HOXC11: variants seen among roughly 807,000 people sequenced by gnomAD.
HOXC11 encodes homeobox C11, also known as homeobox protein Hox-C11.
A neutral mutation model predicts 23.6 loss-of-function variants in HOXC11; 17 were observed. The observed-to-expected ratio is 0.72, with a 90% confidence interval of 0.49 to 1.08. HOXC11 has a LOEUF of 1.08. Ranked by LOEUF, HOXC11 falls within the 50% of genes least tolerant of loss-of-function variation. The pLI is 0.00. For missense variants in HOXC11, 413 were observed against 412.1 expected (o/e 1.00, Z -0.02); for synonymous variants, 196 against 183.8 (o/e 1.07, Z -0.54).
intron 1 of HOXC11, 143 bp downstream of exon 1, chr12:53,974,066 C>A: frequency 2.1e-6 from 1 of 478,136 alleles, no homozygotes. Context: ...TATAAGCATT[C>A]AAAGGATTTT....
chr12:53,974,776 C>T (rs75547142), intron 1 of HOXC11: 1,811 of 164,838 alleles, frequency 0.011, 38 homozygotes, highest in African/African-American at 0.042. Flanking sequence ...CGCCTGTTCT[C>T]AGCTTTCCCC....
Position 53,976,341 on chromosome 12 carries a change from C to A in HOXC11, c.*928C>A. 4.5e-6 allele frequency: 1 copy of A among 220,750 alleles called. No homozygotes were observed. Among genetic ancestry groups the A allele is most frequent in the Non-Finnish European group, 9.1e-6 (1 of 109,874 alleles). 13.7% of individuals were successfully genotyped at this position (220,750 alleles called of 1,614,324 possible). ...GTGAGTGCGTGTGTACATGTGCACT[C>A]CCCACCCTGCTCCCTTCCCAGAGGG... is the stretch of plus-strand genomic sequence containing the variant. On this transcript the variant is annotated 3_prime_UTR_variant, in exon 2 of 2. Transcript: ENST00000546378.
In HOXC11 at chr12:53,973,819, C is replaced by A; in HGVS notation, c.578C>A (p.Ala193Asp). 9 of 1,522,502 alleles carry A rather than the reference C, an allele frequency of 5.9e-6. No homozygotes were observed. The highest frequency in any genetic ancestry group is 7.0e-6 in the Non-Finnish European group (8 of 1,136,878). 94.3% of individuals were successfully genotyped at this position (1,522,502 alleles called of 1,614,324 possible). A position where few individuals can be genotyped will look rare whatever the true frequency, so the allele number is the denominator to read the frequency against. ...APPASGLASR[A>D]EAGAEAEAEE... ...CCGGCCTCGGGACTGGCGTCCCGGG[C>A]TGAGGCGGGTGCCGAGGCGGAGGCT... The change falls in exon 1 of 2, where the codon GCT becomes GAT. Residue 193 changes from alanine to aspartate, a missense_variant. Physicochemically the swap from Ala to Asp is moderately radical, Grantham distance 126. Transcript: ENST00000546378. The surrounding 1 kb of genome is among the most constrained non-coding windows in gnomAD (Gnocchi z 4.3).
In HOXC11 at chr12:53,973,929, T is replaced by G; in HGVS notation, c.682+6T>G. The G allele has an allele frequency of 4.9e-6, 7 of 1,427,442 alleles. No individual in the cohort carries two copies. Among genetic ancestry groups the G allele is most frequent in the East Asian group, 2.6e-5 (1 of 38,008 alleles). The allele number at this position is 1,427,442 out of a possible 1,614,324, so 88.4% of individuals were successfully genotyped here. ...GGCCAAAGGAGCCGCCCCCAGTAGG[T>G]AGCAGCGGCCGGGGAACGGGCGGGC... On this transcript the variant is annotated splice_donor_region_variant and intron_variant, in intron 1 of 1. Coordinates refer to ENST00000546378, the MANE Select transcript of HOXC11 (RefSeq NM_014212.4). This position sits in a 1 kb window ranked among gnomAD's most constrained non-coding sequence, Gnocchi z 4.3.
intron 1 of HOXC11, among the ~76,000 whole-genome samples, chr12:53,974,135 T>G (rs1473550409): frequency 1.4e-5 from 2 of 146,574 alleles, no homozygotes; most frequent in African/African-American, 2.5e-5. Context: ...GGAGAAGGGG[T>G]GGGGAGGGAG....
In HOXC11 at chr12:53,976,127, C is replaced by CTTT. The variant is rs768935038; in HGVS notation, c.*728_*730dup. The CTTT allele has an allele frequency of 7.8e-3, 1,409 of 180,822 alleles. 17 individuals carry two copies. Among genetic ancestry groups the CTTT allele is most frequent in the Non-Finnish European group, 0.011 (992 of 92,358 alleles). The allele number at this position is 180,822 out of a possible 1,614,324, so 11.2% of individuals were successfully genotyped here. A position where few individuals can be genotyped will look rare whatever the true frequency, so the allele number is the denominator to read the frequency against. ...GCTATAGTCTATGCAGTCGTTACCT[C>CTTT]TTTTTTTTTTTTTTTTAAGAAAATT... On this transcript the variant is annotated 3_prime_UTR_variant, in exon 2 of 2. Coordinates refer to ENST00000546378, the MANE Select transcript of HOXC11 (RefSeq NM_014212.4).
chr12:53,973,747 C>G lies in HOXC11; in HGVS notation c.506C>G (p.Pro169Arg), dbSNP rs772454678. 6.2e-7 allele frequency: 1 copy of G among 1,612,682 alleles called. No individual in the cohort carries two copies. Among genetic ancestry groups the G allele is most frequent in the Non-Finnish European group, 8.5e-7 (1 of 1,179,748 alleles). Reference sequence around the variant, plus strand: ...GGTGGCGGCGACCCGCCCGCCGAGCCCCCCTGCTCCGGCAAGGGCGAGGCC... The same window carrying G: ...GGTGGCGGCGACCCGCCCGCCGAGCGCCCCTGCTCCGGCAAGGGCGAGGCC... ...YCGGGDPPAE[P>R]PCSGKGEAKG... The change falls in exon 1 of 2, where the codon CCC becomes CGC. Residue 169 changes from proline (P) to arginine (R), a missense_variant. Pro to Arg is a moderately radical substitution (Grantham distance 103). Transcript: ENST00000546378. This position sits in a 1 kb window ranked among gnomAD's most constrained non-coding sequence, Gnocchi z 4.3.
chr12:53,974,980 G>C, intron 1 of HOXC11: 1 of 572,098 alleles, frequency 1.7e-6, no homozygotes, highest in African/African-American at 1.9e-5. Flanking sequence ...CAGTGGCGGG[G>C]GGGTGGGGAC....
In HOXC11 at chr12:53,976,301, T is replaced by C. The variant is rs1460191318; in HGVS notation, c.*888T>C. On this transcript the variant is annotated 3_prime_UTR_variant, in exon 2 of 2. Coordinates refer to ENST00000546378, the MANE Select transcript of HOXC11 (RefSeq NM_014212.4). ...CCCCCAGTGAGATTCAAATCACGCA[T>C]CTCTACTCCTCTGCGTGAGTGCGTG... 4 of 223,774 alleles carry C rather than the reference T, an allele frequency of 1.8e-5. No individual in the cohort carries two copies. Among genetic ancestry groups the C allele is most frequent in the African/African-American group, 8.9e-5 (4 of 44,752 alleles). The allele number at this position is 223,774 out of a possible 1,614,324, so 13.9% of individuals were successfully genotyped here. A position where few individuals can be genotyped will look rare whatever the true frequency, so the allele number is the denominator to read the frequency against.
intron 1 of HOXC11, chr12:53,974,792 T>G: frequency 2.4e-5 from 4 of 165,928 alleles, no homozygotes; most frequent in Middle Eastern, 2.8e-3. Context: ...TCCCCCCAGA[T>G]TTCTGGGGGA....
chr12:53,977,098 C>T lies in HOXC11; in HGVS notation c.*1685C>T, dbSNP rs1044933154. The T allele has an allele frequency of 2.6e-5, 4 of 152,162 alleles. No individual in the cohort carries two copies. Among genetic ancestry groups the T allele is most frequent in the Non-Finnish European group, 5.9e-5 (4 of 68,040 alleles). The allele number at this position is 152,162 out of a possible 1,614,324, so 9.4% of individuals were successfully genotyped here. A position where few individuals can be genotyped will look rare whatever the true frequency, so the allele number is the denominator to read the frequency against. ...TTGGGTGTCCCACAGTAGAAAGCCC[C>T]AGAGGTTTGTTTTGTAGGGGTTGGC... On this transcript the variant is annotated 3_prime_UTR_variant, in exon 2 of 2. Coordinates refer to ENST00000546378, the MANE Select transcript of HOXC11 (RefSeq NM_014212.4).
At position 53,973,810 on chromosome 12, in the gene HOXC11, C is replaced by T; in HGVS notation, c.569C>T (p.Ala190Val). Reference sequence around the variant, plus strand: ...GAGGCACCCCCGGCCTCGGGACTGGCGTCCCGGGCTGAGGCGGGTGCCGAG... The same window carrying T: ...GAGGCACCCCCGGCCTCGGGACTGGTGTCCCGGGCTGAGGCGGGTGCCGAG... ...EPEAPPASGL[A>V]SRAEAGAEAE... Residue 190 changes from alanine to valine, a missense_variant, in exon 1 of 2, where the codon GCG becomes GTG. Ala to Val is a moderately conservative substitution (Grantham distance 64, BLOSUM62 0). Transcript: ENST00000546378. The surrounding 1 kb of genome is among the most constrained non-coding windows in gnomAD (Gnocchi z 4.3). 1 of 1,527,588 alleles carries T rather than the reference C, an allele frequency of 6.5e-7. No homozygotes were observed. The highest frequency in any genetic ancestry group is 8.8e-7 in the Non-Finnish European group (1 of 1,133,316). The allele number at this position is 1,527,588 out of a possible 1,614,324, so 94.6% of individuals were successfully genotyped here.
chr12:53,975,666 T>C lies in HOXC11; in HGVS notation c.*253T>C, dbSNP rs1485129543. On this transcript the variant is annotated 3_prime_UTR_variant, in exon 2 of 2. Transcript: ENST00000546378. ...TCTGATGCACGGCGAGTGAACACCG[T>C]TGGCGCCGAGGCCAAGACTTTGATT... is the stretch of plus-strand genomic sequence containing the variant. The C allele has an allele frequency of 3.4e-6, 2 of 588,060 alleles. No homozygotes were observed. The highest frequency in any genetic ancestry group is 6.0e-6 in the Non-Finnish European group (2 of 332,132). The allele number at this position is 588,060 out of a possible 1,614,324, so 36.4% of individuals were successfully genotyped here. A position where few individuals can be genotyped will look rare whatever the true frequency, so the allele number is the denominator to read the frequency against.
At position 53,973,326 on chromosome 12, in the gene HOXC11, G is replaced by T; in HGVS notation, c.85G>T (p.Ala29Ser). Residue 29 changes from alanine (A) to serine (S), a missense_variant, in exon 1 of 2, where the codon GCC (alanine) becomes TCC (serine). By Grantham distance (99) the Ala-to-Ser change is moderately conservative. Transcript: ENST00000546378. This position sits in a 1 kb window ranked among gnomAD's most constrained non-coding sequence, Gnocchi z 4.3. ...GADFGERGSC[A>S]SNLYLPSCTY... The stretch of plus-strand genomic sequence containing the variant: ...AGATTTCGGCGAGCGAGGGAGCTGC[G>T]CCTCCAACCTCTATCTGCCCAGTTG... 2.5e-6 allele frequency: 4 copies of T among 1,613,944 alleles called. No individual in the cohort carries two copies. The highest frequency in any genetic ancestry group is 3.4e-6 in the Non-Finnish European group (4 of 1,179,976).
In HOXC11 at chr12:53,975,943, T is replaced by C. The variant is rs955434199; in HGVS notation, c.*530T>C. On this transcript the variant is annotated 3_prime_UTR_variant, in exon 2 of 2. Transcript: ENST00000546378. Reference sequence around the variant, plus strand: ...TCTGTACCTTCAACCTGGTGTTAGGTGTGCAAAGTCCGTGTCCTACCTCCG... The same window carrying C: ...TCTGTACCTTCAACCTGGTGTTAGGCGTGCAAAGTCCGTGTCCTACCTCCG... 1.1e-5 allele frequency: 3 copies of C among 263,488 alleles called. No individual in the cohort carries two copies. The highest frequency in any genetic ancestry group is 4.3e-5 in the African/African-American group (2 of 46,106). 16.3% of individuals were successfully genotyped at this position (263,488 alleles called of 1,614,324 possible).
At position 53,976,024 on chromosome 12, in the gene HOXC11, T is replaced by C. The variant is rs912700181; in HGVS notation, c.*611T>C. 1.3e-5 allele frequency: 3 copies of C among 239,706 alleles called. No homozygotes were observed. The South Asian group carries it at 5.3e-4, about 42-fold the overall frequency. 14.8% of individuals were successfully genotyped at this position (239,706 alleles called of 1,614,324 possible). On this transcript the variant is annotated 3_prime_UTR_variant, in exon 2 of 2. Transcript: ENST00000546378. ...GTTCTCCCCCTGAATGTGTAGAACC[T>C]TCCTTTGAAATTTCTTAATCGGTGC...
In HOXC11 at chr12:53,973,883, C is replaced by T. The variant is rs1307248132; in HGVS notation, c.642C>T (p.Ala214=). The T allele has an allele frequency of 1.4e-6, 2 of 1,454,818 alleles. No individual in the cohort carries two copies. Among genetic ancestry groups the T allele is most frequent in the Non-Finnish European group, 1.8e-6 (2 of 1,103,414 alleles). The allele number at this position is 1,454,818 out of a possible 1,614,324, so 90.1% of individuals were successfully genotyped here. A position where few individuals can be genotyped will look rare whatever the true frequency, so the allele number is the denominator to read the frequency against. ...CAAATCCCAGCTCGTCCGGTTCAGC[C>T]CACTCCGTGGCCAAGGAGCCGGCCA... ...ENTNPSSSGS[A]HSVAKEPAKG... Residue 214 remains alanine (A), a synonymous_variant, in exon 1 of 2, where the codon GCC becomes GCT. Coordinates refer to ENST00000546378, the MANE Select transcript of HOXC11 (RefSeq NM_014212.4). The surrounding 1 kb of genome is among the most constrained non-coding windows in gnomAD (Gnocchi z 4.3).
At chr12:53,974,345 G>GGT (rs1939209643) in intron 1 of HOXC11, among the ~76,000 whole-genome samples, 1 of 151,680 alleles carries the variant, frequency 6.6e-6, no homozygotes, top group East Asian at 1.9e-4. Flanking sequence ...AAAGGGGAGG[G>GGT]CGAGGGAAAG....
chr12:53,975,930 A>C lies in HOXC11; in HGVS notation c.*517A>C. The C allele has an allele frequency of 3.7e-6, 1 of 271,022 alleles. No homozygotes were observed. The highest frequency in any genetic ancestry group is 6.9e-6 in the Non-Finnish European group (1 of 144,400). 16.8% of individuals were successfully genotyped at this position (271,022 alleles called of 1,614,324 possible). On this transcript the variant is annotated 3_prime_UTR_variant, in exon 2 of 2. Coordinates refer to ENST00000546378, the MANE Select transcript of HOXC11 (RefSeq NM_014212.4). The stretch of plus-strand genomic sequence containing the variant: ...TTGCTGTGAAATTTCTGTACCTTCA[A>C]CCTGGTGTTAGGTGTGCAAAGTCCG...
Sources: allele counts gnomAD v4.1 joint callset (sites outside exome capture counted in the v4.1 genomes callset), GRCh38; gene constraint gnomAD v4.1.1; non-coding constraint Gnocchi (gnomAD v3.1); transcripts MANE v1.5; gene names NCBI Gene and HGNC (gene_info 2026-07-23, HGNC 2026-07-21).